PILRA: variants seen among roughly 807,000 people sequenced by gnomAD.
PILRA encodes the protein paired immunoglobin like type 2 receptor alpha, also known as paired immunoglobulin-like type 2 receptor alpha.
PILRA carries 37 observed loss-of-function variants against 33.1 expected under a neutral mutation model. The observed-to-expected ratio is 1.12, with a 90% confidence interval of 0.86 to 1.47. The LOEUF is 1.47. Among genes scored for constraint, PILRA ranks in the 40% most tolerant of loss-of-function variants. The pLI is 0.00. For synonymous variants in PILRA, 146 were observed against 149.9 expected (o/e 0.97, Z 0.19); for missense variants, 312 against 376.2 (o/e 0.83, Z 1.41).
chr7:100,388,941 G>C (rs1791317452), intron 2 of PILRA, among the ~76,000 whole-genome samples: 1 of 151,998 alleles, frequency 6.6e-6, no homozygotes, highest in African/African-American at 2.4e-5. Flanking sequence ...GCCAATGACA[G>C]AATTTAAACC....
intron 3 of PILRA, among the ~76,000 whole-genome samples, chr7:100,397,126 T>C (rs1365642378): frequency 7.9e-6 from 1 of 125,812 alleles, no homozygotes; most frequent in African/African-American, 3.0e-5. Flanking sequence ...GTCTAAACAT[T>C]AAAAAAAAAA....
At chr7:100,380,953 A>G (rs1791077709) in intron 2 of PILRA, among the ~76,000 whole-genome samples, 1 of 151,892 alleles carries the variant, frequency 6.6e-6, no homozygotes, top group Non-Finnish European at 1.5e-5. Flanking sequence ...CCTGAGTGAC[A>G]GAGTGAGACT....
At chr7:100,382,721 T>C (rs1372482128) in intron 2 of PILRA, among the ~76,000 whole-genome samples, 1 of 152,152 alleles carries the variant, frequency 6.6e-6, no homozygotes, top group Non-Finnish European at 1.5e-5. Context: ...TTTTTTTGCT[T>C]TTGCTTTTTG....
chr7:100,387,614 G>A (rs1791282421), intron 2 of PILRA, among the ~76,000 whole-genome samples: 1 of 152,178 alleles, frequency 6.6e-6, no homozygotes, highest in African/African-American at 2.4e-5. Context: ...GTTGAGGTGG[G>A]AGGATCACTT....
chr7:100,386,554 G>C lies in PILRA; in HGVS notation c.455-3334G>C, dbSNP rs578188849. ...TGGTTTTGAGACAGGGTCTCTCTCTGTTGCCCAGACTGGAGTGCAGTGGCA... is the reference window on the plus strand; with the variant it reads ...TGGTTTTGAGACAGGGTCTCTCTCTCTTGCCCAGACTGGAGTGCAGTGGCA... On this transcript the variant is annotated intron_variant, in intron 2 of 6. Coordinates refer to ENST00000198536, the MANE Select transcript of PILRA (RefSeq NM_013439.3). Among the ~76,000 whole-genome samples, 770 of 151,934 alleles carry C rather than the reference G, an allele frequency of 5.1e-3. 6 individuals are homozygous for C. Among genetic ancestry groups the C allele is most frequent in the South Asian group, 0.013 (65 of 4,822 alleles).
intron 2 of PILRA, among the ~76,000 whole-genome samples, chr7:100,381,287 C>A (rs1299653645): frequency 1.3e-5 from 2 of 151,372 alleles, no homozygotes. Flanking sequence ...AACAAACAAA[C>A]AAAAAACAAC....
upstream of PILRA, among the ~76,000 whole-genome samples, chr7:100,372,539 TCCAGTGAC>T (rs1790842950): frequency 6.6e-6 from 1 of 152,124 alleles, no homozygotes; most frequent in South Asian, 2.1e-4. Context: ...AGCTCCCTGC[TCCAGTGAC>T]CACCCCCGGG....
At chr7:100,390,556 G>T (rs1242633565) in intron 3 of PILRA, among the ~76,000 whole-genome samples, 1 of 152,210 alleles carries the variant, frequency 6.6e-6, no homozygotes, top group African/African-American at 2.4e-5. Context: ...TGCTCTCAGG[G>T]AACTAGGGGT....
In PILRA at chr7:100,378,107, G is replaced by A. The variant is rs145211493; in HGVS notation, c.454+3674G>A. Reference sequence around the variant, plus strand: ...TTCATGCCTGTAATCCCAGCACTTTGGGAGGCTGAGGCACGAAGATGACTT... The same window carrying A: ...TTCATGCCTGTAATCCCAGCACTTTAGGAGGCTGAGGCACGAAGATGACTT... On this transcript the variant is annotated intron_variant, in intron 2 of 6. Transcript: ENST00000198536. Among the ~76,000 whole-genome samples, 582 of 152,070 alleles carry A rather than the reference G, an allele frequency of 3.8e-3. 3 individuals carry two copies. The highest frequency in any genetic ancestry group is 6.7e-3 in the Non-Finnish European group (453 of 68,004).
At position 100,373,681 on chromosome 7, in the gene PILRA, C is replaced by CT. The variant is rs1372140905; in HGVS notation, c.26dup (p.Leu10ThrfsTer13). ...CATGGGTCGGCCCCTGCTGCTGCCC[C>CT]TACTGCCCTTGCTGCTGCCGCCAGC... On this transcript the variant is annotated frameshift_variant, in exon 1 of 7. Transcript: ENST00000198536. LOFTEE classifies it high-confidence loss of function. 1.2e-6 allele frequency: 2 copies of CT among 1,613,366 alleles called. No individual in the cohort carries two copies. Among genetic ancestry groups the CT allele is most frequent in the Non-Finnish European group, 1.7e-6 (2 of 1,179,712 alleles).
Position 100,399,561 on chromosome 7 carries a change from A to G in PILRA, c.758-20A>G, listed in dbSNP as rs1206477123. On this transcript the variant is annotated intron_variant, in intron 5 of 6. Transcript: ENST00000198536. ...CTGTCACGCCACCTGACCTTGGCAC[A>G]CCTTGCTTTTTATTCTTAGGACAAA... is the stretch of plus-strand genomic sequence containing the variant. 6.2e-7 allele frequency: 1 copy of G among 1,613,978 alleles called. No individual in the cohort carries two copies. The highest frequency in any genetic ancestry group is 1.3e-5 in the African/African-American group (1 of 74,884).
At chr7:100,374,566 C>T (rs1394160965) in intron 2 of PILRA, 133 bp downstream of exon 2, 1 of 1,005,228 alleles carries the variant, frequency 9.9e-7, no homozygotes, top group Admixed American at 2.0e-5. Context: ...GCCCCTAACA[C>T]TTCCTCAGGC....
chr7:100,395,576 C>T (rs945565075), intron 3 of PILRA, among the ~76,000 whole-genome samples: 1 of 152,036 alleles, frequency 6.6e-6, no homozygotes, highest in African/African-American at 2.4e-5. Flanking sequence ...TATACATTAG[C>T]AGCACAAAAT....
chr7:100,397,783 C>T, intron 3 of PILRA, 96 bp from the exon 4 acceptor site: 1 of 1,334,610 alleles, frequency 7.5e-7, no homozygotes, highest in Non-Finnish European at 1.1e-6. Context: ...TCCGGTCCCT[C>T]TAAGGAGGGC....
chr7:100,399,528 TC>T, intron 5 of PILRA, 52 bp from the exon 6 acceptor site: 1 of 1,606,644 alleles, frequency 6.2e-7, no homozygotes, highest in Non-Finnish European at 8.5e-7. Context: ...CCCATCTCTC[TC>T]CCCTGGCTGT....
chr7:100,400,007 C>T lies in PILRA; in HGVS notation c.*100C>T. The T allele has an allele frequency of 5.5e-6, 7 of 1,275,010 alleles. No individual in the cohort carries two copies. The highest frequency in any genetic ancestry group is 7.3e-6 in the Non-Finnish European group (7 of 956,882). 79.0% of individuals were successfully genotyped at this position (1,275,010 alleles called of 1,614,324 possible). A position where few individuals can be genotyped will look rare whatever the true frequency, so the allele number is the denominator to read the frequency against. The stretch of plus-strand genomic sequence containing the variant: ...GAAGCCTGAGGCAGAATCAAGTGAG[C>T]CCAGGAGTTCAGGGCCAGCTTTGAT... On this transcript the variant is annotated 3_prime_UTR_variant, in exon 7 of 7. Coordinates refer to ENST00000198536, the MANE Select transcript of PILRA (RefSeq NM_013439.3).
At position 100,374,322 on chromosome 7, in the gene PILRA, C is replaced by A; in HGVS notation, c.343C>A (p.Leu115Met). ...GAGCGGCTTCCTCAGGATCTCCAAC[C>A]TGCAGAAGCAGGACCAGTCTGTGTA... ...QKSGFLRISN[L>M]QKQDQSVYFC... The change falls in exon 2 of 7, where the codon CTG (leucine) becomes ATG (methionine). Residue 115 changes from leucine to methionine, a missense_variant. Coordinates refer to ENST00000198536, the MANE Select transcript of PILRA (RefSeq NM_013439.3). 6.2e-7 allele frequency: 1 copy of A among 1,614,148 alleles called. No individual in the cohort carries two copies.
intron 2 of PILRA, among the ~76,000 whole-genome samples, chr7:100,384,388 A>G (rs1791208209): frequency 1.3e-5 from 2 of 150,930 alleles, no homozygotes; most frequent in African/African-American, 4.9e-5. Flanking sequence ...CAGCCTGGGC[A>G]ACATAATGGA....
In PILRA at chr7:100,374,457, C is replaced by T. The variant is rs200150930; in HGVS notation, c.454+24C>T. 1.4e-5 allele frequency: 22 copies of T among 1,613,148 alleles called. No individual in the cohort carries two copies. In the Admixed American group the frequency reaches 1.8e-4, roughly 13 times the overall value. On this transcript the variant is annotated intron_variant, in intron 2 of 6. Transcript: ENST00000198536. ...GGGTGAGTCCAGCTGCCCTGGCACC[C>T]GCTTTGCCCACCGCAGTGAGGCTTT...
Sources: allele counts gnomAD v4.1 joint callset (sites outside exome capture counted in the v4.1 genomes callset), GRCh38; gene constraint gnomAD v4.1.1; transcripts MANE v1.5; gene names NCBI Gene and HGNC (gene_info 2026-07-23, HGNC 2026-07-21).